The following XPNPEP3 variants were observed in gnomAD, a reference collection of about 807,000 sequenced individuals.
XPNPEP3 encodes the protein X-prolyl aminopeptidase 3.
In XPNPEP3, 41 loss-of-function variants were observed where a neutral mutation model predicts 60.0. That is an observed-to-expected ratio of 0.68 (90% confidence interval 0.53 to 0.89). The LOEUF (loss-of-function observed/expected upper bound fraction) is 0.89. Among genes scored for constraint, XPNPEP3 ranks in the 40% least tolerant of loss-of-function variants. The probability of loss-of-function intolerance (pLI) is 0.00; values close to 1 mark genes in which losing one functional copy is unlikely to be tolerated. For missense variants in XPNPEP3, 598 were observed against 638.9 expected, an observed-to-expected ratio of 0.94 and a Z score of 0.69; for synonymous variants, 212 against 223.2, an observed-to-expected ratio of 0.95 and a Z score of 0.45.
intron 7 of XPNPEP3, chr22:40,917,918 G>A (rs1449586916): frequency 6.6e-6 from 1 of 151,756 alleles, no homozygotes; most frequent in African/African-American, 2.4e-5. Flanking sequence ...GACTAAAGTG[G>A]GAGGATCACC....
At position 40,905,501 on chromosome 22, in the gene XPNPEP3, C is replaced by T. The variant is rs6002196; in HGVS notation, c.793-2086C>T. 6.6e-3 allele frequency among the ~76,000 whole-genome samples: 1,003 copies of T among 152,266 alleles called. 11 individuals carry two copies. The highest frequency in any genetic ancestry group is 0.023 in the African/African-American group (941 of 41,562). On this transcript the variant is annotated intron_variant, in intron 4 of 9. Transcript: ENST00000357137. ...GCACAATAGACTATCCATGCTCACT[C>T]TTCACAGTTACATTCTGGTGGAGGA... is the stretch of plus-strand genomic sequence containing the variant.
intron 2 of XPNPEP3, among the ~76,000 whole-genome samples, chr22:40,876,443 A>C (rs1290403029): frequency 6.6e-6 from 1 of 152,248 alleles, no homozygotes; most frequent in African/African-American, 2.4e-5. Context: ...AAATCCACTT[A>C]GGTGGATTAT....
intron 3 of XPNPEP3, among the ~76,000 whole-genome samples, chr22:40,884,642 A>T (rs2058061503): frequency 6.6e-6 from 1 of 151,710 alleles, no homozygotes; most frequent in African/African-American, 2.4e-5. Flanking sequence ...CTAAAATCAT[A>T]TTTATTGAAA....
Position 40,930,619 on chromosome 22 carries a change from G to A in XPNPEP3, c.*4184G>A, listed in dbSNP as rs1488915111. 2 of 151,452 alleles carry A rather than the reference G, an allele frequency of 1.3e-5. No individual in the cohort carries two copies. Among genetic ancestry groups the A allele is most frequent in the African/African-American group, 4.9e-5 (2 of 41,180 alleles). 9.4% of individuals were successfully genotyped at this position (151,452 alleles called of 1,614,324 possible). A position where few individuals can be genotyped will look rare whatever the true frequency, so the allele number is the denominator to read the frequency against. On this transcript the variant is annotated 3_prime_UTR_variant, in exon 10 of 10. Transcript: ENST00000357137. ...GAGTCTCACTCTGTCACCCAGGCTGGAGTACAGTGGTGTGATCTTGGCTCA... is the reference window on the plus strand; with the variant it reads ...GAGTCTCACTCTGTCACCCAGGCTGAAGTACAGTGGTGTGATCTTGGCTCA...
chr22:40,908,447 G>C (rs1047132296), intron 5 of XPNPEP3, among the ~76,000 whole-genome samples: 3 of 152,004 alleles, frequency 2.0e-5, no homozygotes, highest in Non-Finnish European at 4.4e-5. Flanking sequence ...GAGCCTGGAA[G>C]GTTCAGGCTA....
intron 4 of XPNPEP3, among the ~76,000 whole-genome samples, chr22:40,901,581 T>C (rs1481632703): frequency 6.6e-6 from 1 of 152,098 alleles, no homozygotes; most frequent in East Asian, 1.9e-4. Flanking sequence ...GGACAGTGGC[T>C]CATGCCTGTA....
rs146023695 is a variant in XPNPEP3, at chr22:40,926,388, C to G, written c.1477C>G (p.Pro493Ala). The change falls in exon 10 of 10, where the codon CCC (proline) becomes GCC (alanine). Residue 493 changes from proline to alanine, a missense_variant. By Grantham distance (27) the Pro-to-Ala change is conservative (BLOSUM62 -1). Transcript: ENST00000357137. ...ACCTCTCATCCTTTCTGCAGACTGT[C>G]CCAAAGAGATGAATGACATTGAACA... ...DSPLILSADC[P>A]KEMNDIEQIC... 2,991 of 1,614,114 alleles carry G rather than the reference C, an allele frequency of 1.9e-3. 7 individuals carry two copies. The highest frequency in any genetic ancestry group is 1.9e-3 in the Non-Finnish European group (2,230 of 1,180,032).
chr22:40,860,693 C>A, intron 1 of XPNPEP3: 1 of 1,170,040 alleles, frequency 8.5e-7, no homozygotes, highest in South Asian at 1.5e-5. Context: ...TACTTTGTCA[C>A]CCAAGCTGGA....
chr22:40,901,176 G>A (rs1034278746), intron 4 of XPNPEP3, among the ~76,000 whole-genome samples: 1 of 149,884 alleles, frequency 6.7e-6, no homozygotes, highest in African/African-American at 2.5e-5. Context: ...AACGGAATGA[G>A]AGAAAATATT....
intron 8 of XPNPEP3, among the ~76,000 whole-genome samples, 181 bp from the exon 9 acceptor site, chr22:40,924,180 GA>G (rs1385311342): frequency 6.6e-6 from 1 of 152,184 alleles, no homozygotes; most frequent in East Asian, 1.9e-4. Flanking sequence ...GCCATTGGCA[GA>G]ATTGCATGTA....
Position 40,924,358 on chromosome 22 carries a change from C to T in XPNPEP3, c.1237-4C>T. On this transcript the variant is annotated splice_region_variant and splice_polypyrimidine_tract_variant and intron_variant, in intron 8 of 9. Coordinates refer to ENST00000357137, the MANE Select transcript of XPNPEP3 (RefSeq NM_022098.4). ...AATGATACTGTGACAATTATCTTTT[C>T]CAGGCTGCTCGAAAATACTGTCCTC... 6.2e-7 allele frequency: 1 copy of T among 1,614,094 alleles called. No individual in the cohort carries two copies. The highest frequency in any genetic ancestry group is 8.5e-7 in the Non-Finnish European group (1 of 1,179,994).
intron 4 of XPNPEP3, among the ~76,000 whole-genome samples, chr22:40,886,927 C>T (rs892725328): frequency 1.3e-5 from 2 of 151,966 alleles, no homozygotes; most frequent in Admixed American, 6.6e-5. Flanking sequence ...GTCTCCTCAC[C>T]GCAGAATGGC....
At chr22:40,871,079 T>A (rs1056036659) in intron 2 of XPNPEP3, among the ~76,000 whole-genome samples, 4 of 151,992 alleles carry the variant, frequency 2.6e-5, no homozygotes, top group Admixed American at 6.6e-5. Context: ...AAAAGTCTCT[T>A]AGGCCAGGTA....
intron 4 of XPNPEP3, among the ~76,000 whole-genome samples, chr22:40,906,128 A>G (rs549269558): frequency 6.6e-6 from 1 of 152,052 alleles, no homozygotes; most frequent in African/African-American, 2.4e-5. Context: ...TTTTAGAGAG[A>G]TAGTGTCTCA....
chr22:40,893,694 A>G (rs1367960178), intron 4 of XPNPEP3, among the ~76,000 whole-genome samples: 2 of 151,702 alleles, frequency 1.3e-5, no homozygotes, highest in Admixed American at 1.3e-4. Context: ...TCAGCTCACC[A>G]CAACCTCCAC....
chr22:40,866,644 A>G lies in XPNPEP3; in HGVS notation c.65-2355A>G, dbSNP rs148020655. Reference sequence around the variant, plus strand: ...AATCATGAAGTTTCCTAAGCAAAAGAGTTTGAAGCTTATGAACTGGATATT... The same window carrying G: ...AATCATGAAGTTTCCTAAGCAAAAGGGTTTGAAGCTTATGAACTGGATATT... On this transcript the variant is annotated intron_variant, in intron 1 of 9. Transcript: ENST00000357137. 1.6e-3 allele frequency among the ~76,000 whole-genome samples: 247 copies of G among 152,294 alleles called. 1 individual carries two copies. The highest frequency in any genetic ancestry group is 3.4e-3 in the Admixed American group (52 of 15,288).
chr22:40,868,388 T>G (rs891110509), intron 1 of XPNPEP3, among the ~76,000 whole-genome samples: 2 of 152,124 alleles, frequency 1.3e-5, no homozygotes, highest in Non-Finnish European at 2.9e-5. Context: ...TTTCTTCTGT[T>G]TTCATAGCTC....
chr22:40,868,302 A>G (rs1655923003), intron 1 of XPNPEP3, among the ~76,000 whole-genome samples: 1 of 152,134 alleles, frequency 6.6e-6, no homozygotes, highest in Non-Finnish European at 1.5e-5. Context: ...GAGTTTTAGG[A>G]CACAGCTTTA....
chr22:40,898,294 C>A (rs1205406653), intron 4 of XPNPEP3, among the ~76,000 whole-genome samples: 2 of 95,426 alleles, frequency 2.1e-5, no homozygotes, highest in Non-Finnish European at 3.5e-5. Context: ...TCGCCCAGGT[C>A]GGACTGCGGA....
Sources: gnomAD v4.1 joint callset for allele counts (sites outside exome capture counted in the v4.1 genomes callset) on GRCh38, gnomAD v4.1.1 for gene constraint, MANE v1.5 for transcripts, NCBI Gene and HGNC (gene_info 2026-07-23, HGNC 2026-07-21) for gene names.